The following DLEC1 variants were observed in gnomAD, a reference collection of about 807,000 sequenced individuals.
DLEC1 encodes the protein DLEC1 cilia and flagella associated protein.
In DLEC1, 146 loss-of-function variants were observed where a neutral mutation model predicts 198.1. That is an observed-to-expected ratio of 0.74 (90% CI 0.64 to 0.85). The LOEUF (loss-of-function observed/expected upper bound fraction) is 0.85, where lower values mean the gene tolerates loss of function less well. Among genes scored for constraint, DLEC1 ranks in the 40% least tolerant of loss-of-function variants. DLEC1 has a pLI of 0.00. For synonymous variants in DLEC1, 897 were observed against 866.8 expected (o/e 1.03, Z -0.61); for missense variants, 2,233 against 2,220.0 (o/e 1.01, Z -0.12).
chr3:38,090,867 T>C (rs1698710770), intron 10 of DLEC1, among the ~76,000 whole-genome samples: 2 of 152,102 alleles, frequency 1.3e-5, no homozygotes, highest in Admixed American at 6.6e-5. Context: ...ATGTATTCAT[T>C]ACTCATCTTC....
In DLEC1 at chr3:38,117,231, G is replaced by A. The variant is rs1281296018; in HGVS notation, c.4329G>A (p.Lys1443=). 3 of 1,614,184 alleles carry A rather than the reference G, an allele frequency of 1.9e-6. No homozygotes were observed. Among genetic ancestry groups the A allele is most frequent in the Non-Finnish European group, 2.5e-6 (3 of 1,180,012 alleles). ...AGGTGGAAAGGGAGATTCCAGGGAA[G>A]AGGCATCGCCTGCAGGACTTTGCGG... ...DSKVEREIPG[K]RHRLQDFAVG... is the part of the protein sequence containing the mutation. Residue 1443 remains lysine, a synonymous_variant, in exon 31 of 37, where the codon AAG becomes AAA. Coordinates refer to ENST00000308059, the MANE Select transcript of DLEC1 (RefSeq NM_007335.4).
At chr3:38,071,843 A>T (rs1427732734) in intron 6 of DLEC1, among the ~76,000 whole-genome samples, 1 of 152,250 alleles carries the variant, frequency 6.6e-6, no homozygotes, top group Non-Finnish European at 1.5e-5. Flanking sequence ...TATGAAAGGC[A>T]TATTTAGAAT....
chr3:38,082,503 T>C (rs546833989), intron 6 of DLEC1, among the ~76,000 whole-genome samples: 1 of 152,160 alleles, frequency 6.6e-6, no homozygotes, highest in Admixed American at 6.5e-5. Flanking sequence ...TTCTTAACCC[T>C]CCAGAAAAGT....
At chr3:38,118,242 CGTT>C (rs1454517739) in intron 33 of DLEC1, among the ~76,000 whole-genome samples, 2 of 152,196 alleles carry the variant, frequency 1.3e-5, no homozygotes, top group Admixed American at 1.3e-4. Context: ...CCACACCAGA[CGTT>C]GTGTTCACAT....
chr3:38,050,085 T>C (rs1012455465), intron 2 of DLEC1, among the ~76,000 whole-genome samples: 11 of 152,008 alleles, frequency 7.2e-5, no homozygotes, highest in Non-Finnish European at 1.3e-4. Context: ...TTTTTTTTTT[T>C]CAAGACAGGG....
At chr3:38,056,770 A>T (rs1164721428) in intron 2 of DLEC1, among the ~76,000 whole-genome samples, 1 of 152,262 alleles carries the variant, frequency 6.6e-6, no homozygotes, top group Non-Finnish European at 1.5e-5. Context: ...AAATATAACG[A>T]ACAGATTCAG....
At position 38,112,246 on chromosome 3, in the gene DLEC1, C is replaced by T; in HGVS notation, c.3551C>T (p.Ala1184Val). 6.2e-7 allele frequency: 1 copy of T among 1,614,200 alleles called. No individual in the cohort carries two copies. The highest frequency in any genetic ancestry group is 8.5e-7 in the Non-Finnish European group (1 of 1,180,026). The change falls in exon 25 of 37, where the codon GCT becomes GTT. Residue 1184 changes from alanine (A) to valine (V), a missense_variant. Coordinates refer to ENST00000308059, the MANE Select transcript of DLEC1 (RefSeq NM_007335.4). This position sits in a 1 kb window ranked among gnomAD's most constrained non-coding sequence, Gnocchi z 4.8. Reference protein sequence around the residue: ...MESMLSHGKGAAFFPHFSQGM... With the variant: ...MESMLSHGKGVAFFPHFSQGM... ...AGCATGCTATCCCACGGGAAAGGAG[C>T]TGCTTTCTTCCCTCACTTTTCCCAG...
chr3:38,056,718 C>T (rs1696390443), intron 2 of DLEC1, among the ~76,000 whole-genome samples: 1 of 152,014 alleles, frequency 6.6e-6, no homozygotes, highest in Non-Finnish European at 1.5e-5. Flanking sequence ...AATAAACTAG[C>T]TTTCATCTTA....
At chr3:38,120,165 C>T (rs1700375933) in intron 33 of DLEC1, among the ~76,000 whole-genome samples, 1 of 152,248 alleles carries the variant, frequency 6.6e-6, no homozygotes, top group African/African-American at 2.4e-5. Flanking sequence ...AGCCCAACCA[C>T]AGCCCTGGGC....
chr3:38,059,749 T>A lies in DLEC1; in HGVS notation c.570T>A (p.Ser190Arg). ...CCCTTCCCTTCTATGAAGTGAAGAG[T>A]GTCTCCAGATGGTGTATAGACAGCG... ...ESLVRLPPVK[S>R]VSRWCIDSEL... Residue 190 changes from serine (S) to arginine (R), a missense_variant, in exon 3 of 37, where the codon AGT becomes AGA. By Grantham distance (110) the Ser-to-Arg change is moderately radical. Transcript: ENST00000308059. 6.2e-7 allele frequency: 1 copy of A among 1,613,650 alleles called. No homozygotes were observed. The highest frequency in any genetic ancestry group is 8.5e-7 in the Non-Finnish European group (1 of 1,179,820).
intron 25 of DLEC1, among the ~76,000 whole-genome samples, chr3:38,113,868 CTT>C (rs1471221371): frequency 1.3e-5 from 2 of 152,074 alleles, no homozygotes; most frequent in African/African-American, 2.4e-5. Context: ...TTATCACACT[CTT>C]ATATTTTCTA....
intron 33 of DLEC1, 139 bp downstream of exon 33, chr3:38,118,163 C>G (rs1274701594): frequency 1.1e-6 from 1 of 941,388 alleles, no homozygotes; most frequent in South Asian, 1.7e-5. Flanking sequence ...TGCATGAACA[C>G]TCGGGGGTGC....
chr3:38,114,959 T>G (rs760127677), intron 26 of DLEC1, 24 bp from the exon 27 acceptor site: 4 of 1,610,018 alleles, frequency 2.5e-6, no homozygotes, highest in African/African-American at 2.7e-5. Flanking sequence ...GTGGCTGTAC[T>G]GAGTCCAGTC....
At chr3:38,051,363 C>A (rs1282045236) in intron 2 of DLEC1, among the ~76,000 whole-genome samples, 2 of 152,244 alleles carry the variant, frequency 1.3e-5, no homozygotes, top group Non-Finnish European at 1.5e-5. Context: ...CACCCAACCC[C>A]ACCTGTCCCT....
intron 11 of DLEC1, 108 bp from the exon 12 acceptor site, chr3:38,093,497 A>T: frequency 1.5e-6 from 2 of 1,331,674 alleles, no homozygotes; most frequent in Non-Finnish European, 2.1e-6. Context: ...TGCAGGAATC[A>T]TGGTCAAGGC....
chr3:38,120,438 A>T lies in DLEC1; in HGVS notation c.4705-10A>T. 1 of 1,614,134 alleles carries T rather than the reference A, an allele frequency of 6.2e-7. No homozygotes were observed. The highest frequency in any genetic ancestry group is 1.7e-4 in the Middle Eastern group (1 of 6,060). ...CAGCCGGAGTTGACACCATGTCCAC[A>T]TCTGCTCAGGTGAACGTGTCCTTCT... On this transcript the variant is annotated splice_polypyrimidine_tract_variant and intron_variant, in intron 33 of 36. Coordinates refer to ENST00000308059, the MANE Select transcript of DLEC1 (RefSeq NM_007335.4).
At position 38,088,389 on chromosome 3, in the gene DLEC1, G is replaced by T. The variant is rs766569926; in HGVS notation, c.1665+1G>T. The T allele has an allele frequency of 1.5e-5, 24 of 1,609,856 alleles. No individual in the cohort carries two copies. Among genetic ancestry groups the T allele is most frequent in the Non-Finnish European group, 2.0e-5 (24 of 1,176,820 alleles). ...CCCGGGACATGCTATATTAGTGGAG[G>T]TAGGTAATCAGACATTGGCATGTAT... On this transcript the variant is annotated splice_donor_variant, in intron 10 of 36. Transcript: ENST00000308059. LOFTEE classifies it high-confidence loss of function.
chr3:38,069,185 G>A (rs1422584765), intron 6 of DLEC1, among the ~76,000 whole-genome samples: 3 of 152,054 alleles, frequency 2.0e-5, no homozygotes, highest in Admixed American at 6.5e-5. Context: ...AAACCTTGTC[G>A]AACTCTGACT....
Position 38,116,535 on chromosome 3 carries a change from T to A in DLEC1, c.3939T>A (p.Pro1313=), listed in dbSNP as rs1173514448. 1 of 1,614,112 alleles carries A rather than the reference T, an allele frequency of 6.2e-7. No individual in the cohort carries two copies. Among genetic ancestry groups the A allele is most frequent in the Non-Finnish European group, 8.5e-7 (1 of 1,179,992 alleles). Residue 1313 remains proline, a synonymous_variant, in exon 28 of 37, where the codon CCT becomes CCA. Transcript: ENST00000308059. ...LVELLVFYGP[P]FPLRDQAGNE... The stretch of plus-strand genomic sequence containing the variant: ...AGCTGCTGGTGTTTTATGGGCCACC[T>A]TTCCCGCTGCGGGACCAAGCCGGGA...
Sources: gnomAD v4.1 joint callset for allele counts (sites outside exome capture counted in the v4.1 genomes callset) on GRCh38, gnomAD v4.1.1 for gene constraint, Gnocchi (gnomAD v3.1) non-coding constraint, MANE v1.5 for transcripts, NCBI Gene and HGNC (gene_info 2026-07-23, HGNC 2026-07-21) for gene names.